P2RX4: variants seen among roughly 807,000 people sequenced by gnomAD.
P2RX4 encodes P2X purinoceptor 4.
Under a neutral mutation model 48.0 loss-of-function variants are expected in P2RX4, and 37 were observed. That is an observed-to-expected ratio of 0.77 (90% confidence interval 0.59 to 1.01). P2RX4 has a LOEUF of 1.01. Ranked by LOEUF, P2RX4 falls within the 50% of genes least tolerant of loss-of-function variation. P2RX4 has a pLI of 0.00. For synonymous variants in P2RX4, 200 were observed against 199.7 expected (o/e 1.00, Z -0.01); for missense variants, 501 against 521.4 (o/e 0.96, Z 0.38).
chr12:121,214,510 TGAG>T (rs1197556009), intron 1 of P2RX4: 1 of 152,160 alleles, frequency 6.6e-6, no homozygotes, highest in East Asian at 1.9e-4. Context: ...AACAATCATA[TGAG>T]GAGGAAATAA....
At chr12:121,222,414 T>C in intron 4 of P2RX4, 1 of 526,862 alleles carries the variant, frequency 1.9e-6, no homozygotes, top group Admixed American at 3.5e-5. Flanking sequence ...TTTTTTGTTT[T>C]GTTTTTTTGT....
rs1384475697 is a variant in P2RX4, at chr12:121,222,115, T to C, written c.376T>C (p.Cys126Arg). The change falls in exon 4 of 12, where the codon TGT (cysteine) becomes CGT (arginine). Residue 126 changes from cysteine to arginine, a missense_variant. Physicochemically the swap from Cys to Arg is radical, Grantham distance 180. Around this residue, in one of 3 missense-constraint regions of P2RX4, gnomAD observed 295 missense variants for 275.3 expected, o/e 1.07. Coordinates refer to ENST00000337233, the MANE Select transcript of P2RX4 (RefSeq NM_002560.3). ...CPEIPDATTV[C>R]KSDASCTAGS... ...CCAGATTCCAGATGCGACCACTGTG[T>C]GTAAATCAGATGCCAGCTGTACTGC... 1 of 1,613,962 alleles carries C rather than the reference T, an allele frequency of 6.2e-7. No individual in the cohort carries two copies. Among genetic ancestry groups the C allele is most frequent in the Non-Finnish European group, 8.5e-7 (1 of 1,179,796 alleles).
intron 1 of P2RX4, chr12:121,215,981 A>T (rs1886203323): frequency 6.6e-6 from 1 of 152,368 alleles, no homozygotes; most frequent in South Asian, 2.1e-4. Flanking sequence ...TTTTCTAGAA[A>T]GAGTAGCCTA....
chr12:121,229,778 G>A lies in P2RX4; in HGVS notation c.884+679G>A, dbSNP rs757801251. On this transcript the variant is annotated intron_variant, in intron 8 of 11. Coordinates refer to ENST00000337233, the MANE Select transcript of P2RX4 (RefSeq NM_002560.3). This position sits in a 1 kb window ranked among gnomAD's most constrained non-coding sequence, Gnocchi z 4.6. ...TCTCTCCTGGCTTCTGGTAGCCCACGGTGTTCCTTGGCTTGTGGATGCATC... is the reference window on the plus strand; with the variant it reads ...TCTCTCCTGGCTTCTGGTAGCCCACAGTGTTCCTTGGCTTGTGGATGCATC... Among the ~76,000 whole-genome samples the A allele has an allele frequency of 1.4e-4, 22 of 152,116 alleles. No homozygotes were observed. The highest frequency in any genetic ancestry group is 3.9e-4 in the African/African-American group (16 of 41,416).
chr12:121,227,532 T>C (rs1163415667), intron 5 of P2RX4, among the ~76,000 whole-genome samples: 3 of 152,192 alleles, frequency 2.0e-5, no homozygotes, highest in Non-Finnish European at 2.9e-5. Flanking sequence ...CTTCATTCTC[T>C]CCCTGGAGAA....
intron 2 of P2RX4, among the ~76,000 whole-genome samples, chr12:121,219,239 C>T (rs904847150): frequency 6.6e-6 from 1 of 152,186 alleles, no homozygotes; most frequent in African/African-American, 2.4e-5. Context: ...TTCTCCTTGT[C>T]TCCCAACATA....
rs1304340072 is a variant in P2RX4, at chr12:121,229,281, G to A, written c.884+182G>A. Among the ~76,000 whole-genome samples, 1 of 152,130 alleles carries A rather than the reference G, an allele frequency of 6.6e-6. No individual in the cohort carries two copies. The highest frequency in any genetic ancestry group is 2.4e-5 in the African/African-American group (1 of 41,446). On this transcript the variant is annotated intron_variant, in intron 8 of 11. Coordinates refer to ENST00000337233, the MANE Select transcript of P2RX4 (RefSeq NM_002560.3). This position sits in a 1 kb window ranked among gnomAD's most constrained non-coding sequence, Gnocchi z 4.6. ...AATGCCCTTAGTGGTGTCCTGCTCC[G>A]GGGCCATCCCGGCCCCCGAGACCCC...
At chr12:121,211,886 G>GC (rs1249133445) in intron 1 of P2RX4, among the ~76,000 whole-genome samples, 1 of 151,736 alleles carries the variant, frequency 6.6e-6, no homozygotes, top group African/African-American at 2.4e-5. Context: ...TGTTGGCCAG[G>GC]CTGGTCTCGA....
chr12:121,217,097 C>A, intron 1 of P2RX4, 37 bp from the exon 2 acceptor site: 1 of 1,607,908 alleles, frequency 6.2e-7, no homozygotes, highest in Non-Finnish European at 8.5e-7. Context: ...TCCATTGAAT[C>A]CTAATGGCAA....
chr12:121,229,083 C>G lies in P2RX4; in HGVS notation c.868C>G (p.Pro290Ala), dbSNP rs1157472318. ...DTRDVEHNVSPGYNFRFAKYY... is the reference protein window; with the variant it reads ...DTRDVEHNVSAGYNFRFAKYY... The stretch of plus-strand genomic sequence containing the variant: ...ACGGGACGTTGAGCACAACGTATCT[C>G]CTGGCTACAATTTCAGGTGGGCGTG... Residue 290 changes from proline to alanine, a missense_variant, in exon 8 of 12, where the codon CCT (proline) becomes GCT (alanine). By Grantham distance (27) the Pro-to-Ala change is conservative (BLOSUM62 -1). Transcript: ENST00000337233. The surrounding 1 kb of genome is among the most constrained non-coding windows in gnomAD (Gnocchi z 4.6). The G allele has an allele frequency of 1.2e-6, 2 of 1,614,016 alleles. No homozygotes were observed. Among genetic ancestry groups the G allele is most frequent in the African/African-American group, 1.3e-5 (1 of 74,920 alleles).
intron 8 of P2RX4, among the ~76,000 whole-genome samples, chr12:121,231,823 G>A (rs769789989): frequency 6.6e-6 from 1 of 151,906 alleles, no homozygotes; most frequent in South Asian, 2.1e-4. Flanking sequence ...GGCCAACTTG[G>A]TGAAACCCCG....
chr12:121,222,059 C>T, intron 3 of P2RX4, 35 bp from the exon 4 acceptor site: 1 of 1,604,314 alleles, frequency 6.2e-7, no homozygotes, highest in Non-Finnish European at 8.5e-7. Context: ...GGGGCCGGGC[C>T]ACGTGGACTT....
At chr12:121,212,824 A>ATATATATATATATATAT (rs370835501) in intron 1 of P2RX4, 2 of 32,262 alleles carry the variant, frequency 6.2e-5, no homozygotes, top group Non-Finnish European at 9.6e-5. Flanking sequence ...ATATATATAT[A>ATATATATATATATATAT]TTTTTTTTTT....
chr12:121,228,404 AT>A, intron 5 of P2RX4, 128 bp from the exon 6 acceptor site: 1 of 288,354 alleles, frequency 3.5e-6, no homozygotes, highest in Non-Finnish European at 6.4e-6. Context: ...ATATATATAT[AT>A]ACACACACAC....
At chr12:121,228,499 T>A (rs1368570487) in intron 5 of P2RX4, 34 bp from the exon 6 acceptor site, 1 of 1,392,794 alleles carries the variant, frequency 7.2e-7, no homozygotes, top group South Asian at 1.2e-5. Flanking sequence ...TTTGTATGTA[T>A]TTTATTAACA....
intron 5 of P2RX4, among the ~76,000 whole-genome samples, chr12:121,227,333 C>G (rs1887037738): frequency 6.6e-6 from 1 of 152,218 alleles, no homozygotes; most frequent in South Asian, 2.1e-4. Context: ...AGGAGAAATT[C>G]ACCAAAGAAA....
chr12:121,211,471 G>A (rs1303986442), intron 1 of P2RX4, among the ~76,000 whole-genome samples: 5 of 152,076 alleles, frequency 3.3e-5, no homozygotes, highest in African/African-American at 1.2e-4. Flanking sequence ...TTACAGGCGT[G>A]AGCCCCCACG....
chr12:121,227,801 C>T (rs1481528883), intron 5 of P2RX4, among the ~76,000 whole-genome samples: 1 of 151,610 alleles, frequency 6.6e-6, no homozygotes, highest in East Asian at 1.9e-4. Flanking sequence ...AAAAATATTA[C>T]ATAGGGGCTG....
intron 2 of P2RX4, among the ~76,000 whole-genome samples, chr12:121,221,197 T>TGTGTGTGTGTGTGTGTG (rs1566003236): frequency 3.3e-5 from 3 of 91,020 alleles, no homozygotes; most frequent in Admixed American, 1.2e-4. Context: ...TGTGTGTGTG[T>TGTGTGTGTGTGTGTGTG]TTTTAGTACA....
Sources: allele counts gnomAD v4.1 joint callset (sites outside exome capture counted in the v4.1 genomes callset), GRCh38; gene constraint gnomAD v4.1.1; regional missense constraint gnomAD v4.1.1; non-coding constraint Gnocchi (gnomAD v3.1); transcripts MANE v1.5; gene names NCBI Gene and HGNC (gene_info 2026-07-23, HGNC 2026-07-21).